The following EDC3 variants were observed in gnomAD, a reference collection of about 807,000 sequenced individuals.
EDC3 encodes the protein enhancer of mRNA decapping 3, also known as enhancer of mRNA-decapping protein 3.
EDC3 carries 20 observed loss-of-function variants against 41.8 expected under a neutral mutation model. The observed-to-expected ratio is 0.48, with a 90% CI of 0.34 to 0.70. The LOEUF (loss-of-function observed/expected upper bound fraction) is 0.70, where lower values mean the gene tolerates loss of function less well. EDC3 is among the 30% of genes least tolerant of loss of function. The pLI, the probability that EDC3 is intolerant of heterozygous loss-of-function variation, is 0.01. For synonymous variants in EDC3, 206 were observed against 243.2 expected (o/e 0.85, Z 1.42); for missense variants, 444 against 636.8 (o/e 0.70, Z 3.26).
intron 3 of EDC3, among the ~76,000 whole-genome samples, chr15:74,658,650 A>AAAAAAC: frequency 6.6e-6 from 1 of 150,526 alleles, no homozygotes; most frequent in Non-Finnish European, 1.5e-5. Context: ...AAAAAAAAAA[A>AAAAAAC]AAAACCAAGG....
chr15:74,632,474 G>A lies in EDC3; in HGVS notation c.*138C>T. ...AGAGCAAGTGACAGGTCAGTTTTAA[G>A]TAAGTTCTGTTCTCTCACAGAAGAA... On this transcript the variant is annotated 3_prime_UTR_variant, in exon 7 of 7. Coordinates refer to ENST00000315127, the MANE Select transcript of EDC3 (RefSeq NM_025083.5). The surrounding 1 kb of genome is among the most constrained non-coding windows in gnomAD (Gnocchi z 4.0). 9.5e-7 allele frequency: 1 copy of A among 1,057,470 alleles called. No homozygotes were observed. The highest frequency in any genetic ancestry group is 1.3e-6 in the Non-Finnish European group (1 of 744,752). The allele number at this position is 1,057,470 out of a possible 1,614,324, so 65.5% of individuals were successfully genotyped here.
At chr15:74,681,019 G>A (rs2062864932) in intron 1 of EDC3, among the ~76,000 whole-genome samples, 1 of 151,988 alleles carries the variant, frequency 6.6e-6, no homozygotes, top group African/African-American at 2.4e-5. Context: ...TAAAAGACTC[G>A]ACAAAAAGTA....
intron 5 of EDC3, 43 bp downstream of exon 5, chr15:74,640,423 T>C: frequency 3.1e-6 from 5 of 1,607,000 alleles, no homozygotes; most frequent in Non-Finnish European, 3.4e-6. Context: ...AGGCAGAGCA[T>C]CCTTACTCCA....
At chr15:74,665,964 A>AC (rs1241287306) in intron 3 of EDC3, among the ~76,000 whole-genome samples, 1 of 151,852 alleles carries the variant, frequency 6.6e-6, no homozygotes, top group Non-Finnish European at 1.5e-5. Context: ...CACCCAGCTG[A>AC]TTTTTTGTAT....
intron 1 of EDC3, among the ~76,000 whole-genome samples, chr15:74,681,677 C>A (rs571709935): frequency 6.6e-6 from 1 of 152,206 alleles, no homozygotes; most frequent in East Asian, 1.9e-4. Flanking sequence ...CAACAAATAG[C>A]GCTGGAGCAA....
intron 5 of EDC3, 108 bp from the exon 6 acceptor site, chr15:74,635,734 C>T: frequency 9.6e-7 from 1 of 1,038,510 alleles, no homozygotes; most frequent in African/African-American, 1.6e-5. Flanking sequence ...CTCTTACCCA[C>T]TGCTCACCAA....
At chr15:74,654,614 C>T (rs936636465) in intron 4 of EDC3, among the ~76,000 whole-genome samples, 27 of 152,120 alleles carry the variant, frequency 1.8e-4, no homozygotes, top group African/African-American at 6.5e-4. Flanking sequence ...CCTTAATAAA[C>T]AGGCATGCCT....
At chr15:74,634,221 G>A (rs550668608) in intron 6 of EDC3, among the ~76,000 whole-genome samples, 3 of 152,074 alleles carry the variant, frequency 2.0e-5, no homozygotes, top group Admixed American at 1.3e-4. Context: ...AACCTAGAAC[G>A]GGGCTTGCTG....
At chr15:74,676,006 TAAAC>T (rs1308148618) in intron 1 of EDC3, among the ~76,000 whole-genome samples, 1 of 152,206 alleles carries the variant, frequency 6.6e-6, no homozygotes, top group African/African-American at 2.4e-5. Flanking sequence ...TGCTGGGCCT[TAAAC>T]AAGTATGAAT....
At chr15:74,640,426 T>C in intron 5 of EDC3, 40 bp downstream of exon 5, 1 of 1,608,114 alleles carries the variant, frequency 6.2e-7, no homozygotes, top group Non-Finnish European at 8.5e-7. Context: ...CAGAGCATCC[T>C]TACTCCACAT....
intron 4 of EDC3, among the ~76,000 whole-genome samples, chr15:74,648,200 C>T (rs549184962): frequency 1.8e-4 from 27 of 152,318 alleles, no homozygotes; most frequent in African/African-American, 6.3e-4. Flanking sequence ...TTATTTCTTC[C>T]TGAATTCCTT....
chr15:74,683,456 A>G (rs1401739089), intron 1 of EDC3, among the ~76,000 whole-genome samples: 3 of 152,148 alleles, frequency 2.0e-5, no homozygotes, highest in Admixed American at 1.3e-4. Flanking sequence ...AATCACTTGA[A>G]CCCAGGAGGC....
chr15:74,656,204 A>T, intron 3 of EDC3, 136 bp from the exon 4 acceptor site: 1 of 795,114 alleles, frequency 1.3e-6, no homozygotes, highest in Non-Finnish European at 2.0e-6. Context: ...GCAAACTCAT[A>T]TTAAGTAGCA....
intron 5 of EDC3, 127 bp from the exon 6 acceptor site, chr15:74,635,753 C>G (rs914350165): frequency 2.2e-6 from 2 of 902,246 alleles, no homozygotes; most frequent in Non-Finnish European, 3.3e-6. Context: ...AAGTCCCAGG[C>G]TCCAGAGGGG....
intron 3 of EDC3, among the ~76,000 whole-genome samples, chr15:74,660,429 A>G (rs2062608129): frequency 6.6e-6 from 1 of 150,428 alleles, no homozygotes; most frequent in African/African-American, 2.5e-5. Context: ...ATATATATAT[A>G]TATATGTGTG....
intron 1 of EDC3, among the ~76,000 whole-genome samples, chr15:74,694,136 TAAG>T (rs1469686718): frequency 6.6e-6 from 1 of 152,190 alleles, no homozygotes; most frequent in African/African-American, 2.4e-5. Context: ...CTTCTCTGGA[TAAG>T]AAAAGAAAAA....
rs1337106819 is a variant in EDC3 at position 74,671,270 on chromosome 15, T to C, written c.484+185A>G. Among the ~76,000 whole-genome samples, 2 of 152,190 alleles carry C rather than the reference T, an allele frequency of 1.3e-5. No individual in the cohort carries two copies. The highest frequency in any genetic ancestry group is 2.9e-5 in the Non-Finnish European group (2 of 68,030). On this transcript the variant is annotated intron_variant, in intron 3 of 6. Coordinates refer to ENST00000315127, the MANE Select transcript of EDC3 (RefSeq NM_025083.5). The surrounding 1 kb of genome is among the most constrained non-coding windows in gnomAD (Gnocchi z 4.6). Reference sequence around the variant, plus strand: ...CTCACAGGCATCCCTAACAGCTTATTTCCTTTCCCTTAACATCTTGAGGAA... The same window carrying C: ...CTCACAGGCATCCCTAACAGCTTATCTCCTTTCCCTTAACATCTTGAGGAA...
chr15:74,632,529 A>C lies in EDC3; in HGVS notation c.*83T>G, dbSNP rs1264445656. On this transcript the variant is annotated 3_prime_UTR_variant, in exon 7 of 7. Transcript: ENST00000315127. This position sits in a 1 kb window ranked among gnomAD's most constrained non-coding sequence, Gnocchi z 4.0. ...ACCCAAAAGAGAAAAAACTTTAACA[A>C]GGTCCATGAAGCTTCATATCCTTAA... 1 of 1,466,838 alleles carries C rather than the reference A, an allele frequency of 6.8e-7. No homozygotes were observed. The highest frequency in any genetic ancestry group is 2.3e-5 in the East Asian group (1 of 43,796). 90.9% of individuals were successfully genotyped at this position (1,466,838 alleles called of 1,614,324 possible).
chr15:74,674,628 A>G (rs573981553), intron 2 of EDC3, among the ~76,000 whole-genome samples: 1 of 152,338 alleles, frequency 6.6e-6, no homozygotes, highest in South Asian at 2.1e-4. Context: ...GAAATGACAC[A>G]ACAATACCTA....
Sources: allele counts gnomAD v4.1 joint callset (sites outside exome capture counted in the v4.1 genomes callset), GRCh38; gene constraint gnomAD v4.1.1; non-coding constraint Gnocchi (gnomAD v3.1); transcripts MANE v1.5; gene names NCBI Gene and HGNC (gene_info 2026-07-23, HGNC 2026-07-21).